Variants in RNGTT observed in about 807,000 individuals in gnomAD.
The protein encoded by RNGTT is mRNA-capping enzyme.
A neutral mutation model predicts 79.3 loss-of-function variants in RNGTT; 33 were observed. The observed-to-expected ratio is 0.42, with a 90% CI of 0.32 to 0.56. The LOEUF is 0.56. Among genes scored for constraint, RNGTT ranks in the 20% least tolerant of loss-of-function variants. The probability of loss-of-function intolerance (pLI) is 0.17; values close to 1 mark genes in which losing one functional copy is unlikely to be tolerated. For synonymous variants in RNGTT, 222 were observed against 235.9 expected (o/e 0.94, Z 0.54); for missense variants, 497 against 739.1 (o/e 0.67, Z 3.80).
intron 11 of RNGTT, among the ~76,000 whole-genome samples, chr6:88,825,423 C>T (rs984245125): frequency 6.6e-6 from 1 of 152,172 alleles, no homozygotes; most frequent in African/African-American, 2.4e-5. Context: ...AAGGAAATAA[C>T]TCATGAACTT....
intron 11 of RNGTT, among the ~76,000 whole-genome samples, chr6:88,838,833 C>A (rs1318799212): frequency 6.6e-6 from 1 of 152,008 alleles, no homozygotes; most frequent in East Asian, 1.9e-4. Flanking sequence ...AAAGTTGGAA[C>A]ATTAATACTA....
chr6:88,710,288 G>A (rs1776274720), intron 13 of RNGTT, among the ~76,000 whole-genome samples: 1 of 152,210 alleles, frequency 6.6e-6, no homozygotes, highest in South Asian at 2.1e-4. Context: ...TGATCTAAAA[G>A]TGTAAGGTTT....
chr6:88,651,637 A>G (rs1314759023), intron 14 of RNGTT, among the ~76,000 whole-genome samples: 1 of 152,092 alleles, frequency 6.6e-6, no homozygotes, highest in Non-Finnish European at 1.5e-5. Flanking sequence ...CCAAAAATAT[A>G]TCAATATGGT....
intron 13 of RNGTT, among the ~76,000 whole-genome samples, chr6:88,689,439 C>G (rs1775397535): frequency 6.6e-6 from 1 of 151,864 alleles, no homozygotes; most frequent in African/African-American, 2.4e-5. Context: ...ACTAAAAATA[C>G]AAAAATTAGC....
In RNGTT at chr6:88,678,331, C is replaced by T. The variant is rs183098652; in HGVS notation, c.1506+22G>A. On this transcript the variant is annotated intron_variant, in intron 14 of 15. Coordinates refer to ENST00000369485, the MANE Select transcript of RNGTT (RefSeq NM_003800.5). ...GATAAGAGAACATCCAGGAAAAGTACACTGAAAATGAACAAACATACCTTG... is the reference window on the plus strand; with the variant it reads ...GATAAGAGAACATCCAGGAAAAGTATACTGAAAATGAACAAACATACCTTG... 2.3e-5 allele frequency: 36 copies of T among 1,587,530 alleles called. No homozygotes were observed. In the Admixed American group the frequency reaches 5.9e-4, roughly 26 times the overall value.
At chr6:88,708,358 C>G (rs532709635) in intron 13 of RNGTT, among the ~76,000 whole-genome samples, 73 of 152,194 alleles carry the variant, frequency 4.8e-4, no homozygotes, top group African/African-American at 1.7e-3. Flanking sequence ...TGACCATTGT[C>G]CCAAGAGTAA....
intron 6 of RNGTT, among the ~76,000 whole-genome samples, chr6:88,899,274 T>A (rs1456778968): frequency 6.6e-6 from 1 of 151,950 alleles, no homozygotes; most frequent in Non-Finnish European, 1.5e-5. Context: ...TTCGGCTTTT[T>A]TTTTTTGAGA....
intron 12 of RNGTT, among the ~76,000 whole-genome samples, chr6:88,789,251 C>T (rs1174062124): frequency 6.6e-6 from 1 of 152,100 alleles, no homozygotes; most frequent in Non-Finnish European, 1.5e-5. Flanking sequence ...GAAACCCCAT[C>T]GCTACTAAAA....
At chr6:88,933,182 C>A (rs1181136736) in intron 2 of RNGTT, among the ~76,000 whole-genome samples, 2 of 152,138 alleles carry the variant, frequency 1.3e-5, no homozygotes, top group Non-Finnish European at 2.9e-5. Flanking sequence ...TATTTTATTA[C>A]ATGCATGTAA....
At chr6:88,865,266 G>A (rs1782131136) in intron 8 of RNGTT, among the ~76,000 whole-genome samples, 2 of 151,838 alleles carry the variant, frequency 1.3e-5, no homozygotes, top group South Asian at 2.1e-4. Flanking sequence ...TTAGTACTAC[G>A]ACTACCACTA....
At chr6:88,894,698 G>A (rs534295905) in intron 6 of RNGTT, among the ~76,000 whole-genome samples, 1 of 152,114 alleles carries the variant, frequency 6.6e-6, no homozygotes, top group Non-Finnish European at 1.5e-5. Context: ...TGTTATGTAT[G>A]AGATGGTTTC....
chr6:88,844,449 G>A lies in RNGTT; in HGVS notation c.1177C>T (p.His393Tyr), dbSNP rs1781421810. 2 of 1,613,662 alleles carry A rather than the reference G, an allele frequency of 1.2e-6. No individual in the cohort carries two copies. Among genetic ancestry groups the A allele is most frequent in the Non-Finnish European group, 1.7e-6 (2 of 1,179,844 alleles). Residue 393 changes from histidine to tyrosine, a missense_variant, in exon 11 of 16, where the codon CAC becomes TAC. His to Tyr is a moderately conservative substitution (Grantham distance 83). Transcript: ENST00000369485. ...ATGAGCCCAGTCTTCATTTTTTCGT[G>A]TCGAGGACTTATAATTTCTCGTTCT... is the stretch of plus-strand genomic sequence containing the variant. ...CIEREIISPR[H>Y]EKMKTGLIDK...
At chr6:88,738,539 A>G (rs903297266) in intron 13 of RNGTT, among the ~76,000 whole-genome samples, 1 of 152,134 alleles carries the variant, frequency 6.6e-6, no homozygotes, top group Non-Finnish European at 1.5e-5. Flanking sequence ...CTAGCTACTC[A>G]GAAGGCTGAG....
intron 11 of RNGTT, among the ~76,000 whole-genome samples, chr6:88,803,849 G>C (rs541581473): frequency 9.2e-5 from 14 of 152,148 alleles, no homozygotes; most frequent in African/African-American, 3.4e-4. Flanking sequence ...CAGTTAGCAA[G>C]ACTCTACATA....
intron 13 of RNGTT, among the ~76,000 whole-genome samples, 198 bp from the exon 14 acceptor site, chr6:88,678,617 A>G: frequency 6.6e-6 from 1 of 152,138 alleles, no homozygotes; most frequent in Non-Finnish European, 1.5e-5. Flanking sequence ...AAATAATTTT[A>G]TATTTCAGAA....
chr6:88,766,030 T>C (rs1778449187), intron 13 of RNGTT, among the ~76,000 whole-genome samples: 1 of 152,186 alleles, frequency 6.6e-6, no homozygotes, highest in African/African-American at 2.4e-5. Context: ...ACTTTTAAAT[T>C]TGTTTTGATT....
intron 13 of RNGTT, among the ~76,000 whole-genome samples, chr6:88,763,977 T>G (rs1778359831): frequency 6.6e-6 from 1 of 152,218 alleles, no homozygotes; most frequent in African/African-American, 2.4e-5. Flanking sequence ...TAGTATAAGC[T>G]GCTCTGCCAC....
At chr6:88,665,728 A>G (rs1774378071) in intron 14 of RNGTT, among the ~76,000 whole-genome samples, 5 of 152,168 alleles carry the variant, frequency 3.3e-5, no homozygotes, top group Admixed American at 3.3e-4. Context: ...TTCCCCCACC[A>G]TCTTTGGGGA....
At chr6:88,711,614 A>G (rs1776321886) in intron 13 of RNGTT, among the ~76,000 whole-genome samples, 1 of 152,220 alleles carries the variant, frequency 6.6e-6, no homozygotes, top group African/African-American at 2.4e-5. Flanking sequence ...TACATCTTAA[A>G]TTAATAGGTT....
Sources: gnomAD v4.1 joint callset for allele counts (sites outside exome capture counted in the v4.1 genomes callset) on GRCh38, gnomAD v4.1.1 for gene constraint, MANE v1.5 for transcripts, NCBI Gene and HGNC (gene_info 2026-07-23, HGNC 2026-07-21) for gene names.